SYT9: variants seen among roughly 807,000 people sequenced by gnomAD.
SYT9 encodes synaptotagmin-9.
Under a neutral mutation model 48.4 loss-of-function variants are expected in SYT9, and 22 were observed. The observed-to-expected ratio is 0.45, with a 90% confidence interval of 0.32 to 0.65. The LOEUF is 0.65. Among genes scored for constraint, SYT9 ranks in the 30% least tolerant of loss-of-function variants. The pLI, the probability that SYT9 is intolerant of heterozygous loss-of-function variation, is 0.03. For synonymous variants in SYT9, 265 were observed against 245.0 expected (o/e 1.08, Z -0.76); for missense variants, 577 against 622.0 (o/e 0.93, Z 0.77).
chr11:7,358,135 A>G (rs182717558), intron 3 of SYT9, among the ~76,000 whole-genome samples: 3 of 152,278 alleles, frequency 2.0e-5, no homozygotes, highest in Admixed American at 2.0e-4. Flanking sequence ...CGAAAATGGT[A>G]TAGAAAGGGT....
At chr11:7,334,634 C>CCCATCCCCCCAA (rs1849601796) in intron 3 of SYT9, among the ~76,000 whole-genome samples, 1 of 139,936 alleles carries the variant, frequency 7.1e-6, no homozygotes, top group Non-Finnish European at 1.6e-5. Context: ...CCTGCCTCCA[C>CCCATCCCCCCAA]TCCCTGCCAC....
In SYT9 at chr11:7,357,444, G is replaced by A. The variant is rs140841597; in HGVS notation, c.1044+43503G>A. Among the ~76,000 whole-genome samples the A allele has an allele frequency of 2.4e-4, 36 of 152,180 alleles. No homozygotes were observed. The East Asian group carries it at 6.2e-3, about 26-fold the overall frequency. ...TTACACTGGTCTTCAAAACCAGTGT[G>A]GGTATTACTAAATGTCTCCTCAAAG... On this transcript the variant is annotated intron_variant, in intron 3 of 6. Transcript: ENST00000318881.
chr11:7,378,406 T>A (rs1041788106), intron 3 of SYT9, among the ~76,000 whole-genome samples: 1 of 152,066 alleles, frequency 6.6e-6, no homozygotes, highest in Non-Finnish European at 1.5e-5. Flanking sequence ...ACACAGAGGA[T>A]GCATTGGAAG....
intron 3 of SYT9, among the ~76,000 whole-genome samples, chr11:7,351,389 T>C (rs986244895): frequency 3.3e-5 from 5 of 152,208 alleles, no homozygotes; most frequent in African/African-American, 4.8e-5. Flanking sequence ...GCCTGTCCGA[T>C]GGCAGCCACC....
chr11:7,400,418 T>C (rs1345874767), intron 3 of SYT9, among the ~76,000 whole-genome samples: 1 of 152,216 alleles, frequency 6.6e-6, no homozygotes, highest in Non-Finnish European at 1.5e-5. Context: ...AAGAAGTAGA[T>C]ATTAAGAAGT....
chr11:7,305,968 G>T (rs1445023972), intron 2 of SYT9, among the ~76,000 whole-genome samples: 1 of 152,164 alleles, frequency 6.6e-6, no homozygotes, highest in African/African-American at 2.4e-5. Context: ...ATGTCCTAAA[G>T]ATGGGCTTTG....
At chr11:7,303,705 CTT>C (rs1479318512) in intron 2 of SYT9, among the ~76,000 whole-genome samples, 1 of 152,194 alleles carries the variant, frequency 6.6e-6, no homozygotes, top group Non-Finnish European at 1.5e-5. Context: ...GCAGAAGAAA[CTT>C]AAGTCAAGGC....
At chr11:7,322,465 C>G (rs1849354667) in intron 3 of SYT9, among the ~76,000 whole-genome samples, 1 of 152,158 alleles carries the variant, frequency 6.6e-6, no homozygotes, top group Non-Finnish European at 1.5e-5. Context: ...TGAGAGTCCA[C>G]TGAATCTCAC....
At chr11:7,436,255 AG>A (rs368490554) in intron 6 of SYT9, among the ~76,000 whole-genome samples, 13 of 152,306 alleles carry the variant, frequency 8.5e-5, no homozygotes, top group African/African-American at 3.1e-4. Context: ...GTAGGATAGT[AG>A]GTTACCTATA....
intron 3 of SYT9, among the ~76,000 whole-genome samples, chr11:7,362,894 T>C (rs1850170604): frequency 6.6e-6 from 1 of 151,630 alleles, no homozygotes; most frequent in Admixed American, 6.6e-5. Context: ...TTTTGCTTTC[T>C]AGTTAATATG....
chr11:7,417,032 G>T (rs2134098349), intron 4 of SYT9, among the ~76,000 whole-genome samples: 1 of 152,208 alleles, frequency 6.6e-6, no homozygotes, highest in African/African-American at 2.4e-5. Flanking sequence ...ATTGCTAACT[G>T]TGCAAATTCA....
intron 3 of SYT9, among the ~76,000 whole-genome samples, chr11:7,365,421 T>G (rs767724519): frequency 5.1e-4 from 78 of 152,220 alleles, no homozygotes; most frequent in Admixed American, 4.6e-4. Flanking sequence ...TTTAAGACTT[T>G]AGAGTACATC....
intron 3 of SYT9, among the ~76,000 whole-genome samples, chr11:7,355,687 C>T (rs1157391079): frequency 3.3e-5 from 5 of 152,146 alleles, no homozygotes; most frequent in African/African-American, 9.7e-5. Flanking sequence ...GAAGGATTGG[C>T]AGTGGGATTG....
intron 6 of SYT9, among the ~76,000 whole-genome samples, chr11:7,444,033 A>G (rs1847883161): frequency 1.3e-5 from 2 of 152,206 alleles, no homozygotes; most frequent in African/African-American, 4.8e-5. Flanking sequence ...ACAGACTCTG[A>G]GTTGTAGTGA....
chr11:7,405,268 G>A (rs954632296), intron 3 of SYT9, among the ~76,000 whole-genome samples: 6 of 151,992 alleles, frequency 3.9e-5, no homozygotes, highest in Non-Finnish European at 7.4e-5. Flanking sequence ...GCTTCCCTCT[G>A]CATCATCCCT....
intron 3 of SYT9, among the ~76,000 whole-genome samples, chr11:7,392,391 G>A (rs1471358060): frequency 6.6e-6 from 1 of 152,036 alleles, no homozygotes; most frequent in Non-Finnish European, 1.5e-5. Context: ...ATTTTTGTCA[G>A]TATTGTAGAT....
At chr11:7,384,340 G>C (rs1302196230) in intron 3 of SYT9, among the ~76,000 whole-genome samples, 2 of 151,852 alleles carry the variant, frequency 1.3e-5, no homozygotes, top group Non-Finnish European at 2.9e-5. Flanking sequence ...TGTCTAATAG[G>C]CATCTCACAA....
chr11:7,288,386 A>G (rs953568954), intron 1 of SYT9, among the ~76,000 whole-genome samples: 4 of 150,756 alleles, frequency 2.7e-5, no homozygotes. Flanking sequence ...AATACCTCTT[A>G]TTTCTGTTCC....
chr11:7,453,519 G>C (rs1308870004), intron 6 of SYT9, among the ~76,000 whole-genome samples: 1 of 152,200 alleles, frequency 6.6e-6, no homozygotes, highest in Non-Finnish European at 1.5e-5. Context: ...TGCCGTGGAG[G>C]TTGCATTCTG....
Sources: allele counts gnomAD v4.1 joint callset (sites outside exome capture counted in the v4.1 genomes callset), GRCh38; gene constraint gnomAD v4.1.1; transcripts MANE v1.5; gene names NCBI Gene and HGNC (gene_info 2026-07-23, HGNC 2026-07-21).